Variants in SCRIB observed in about 807,000 individuals in gnomAD.
SCRIB encodes protein scribble homolog.
A neutral mutation model predicts 170.0 loss-of-function variants in SCRIB; 72 were observed. The observed-to-expected ratio is 0.42, with a 90% CI of 0.35 to 0.52. The LOEUF is 0.52. Among genes scored for constraint, SCRIB ranks in the 20% least tolerant of loss-of-function variants. The probability of loss-of-function intolerance (pLI) is 0.02; values close to 1 mark genes in which losing one functional copy is unlikely to be tolerated. For missense variants in SCRIB, 2,475 were observed against 2,338.5 expected (o/e 1.06, Z -1.20); for synonymous variants, 1,298 against 1,044.3 (o/e 1.24, Z -4.68).
rs1244284797 is a variant in SCRIB, at chr8:143,808,935, C to G, written c.1789G>C (p.Gly597Arg). The change falls in exon 15 of 37, where the codon GGC becomes CGC. Residue 597 changes from glycine (G) to arginine (R), a missense_variant. Gly to Arg is a moderately radical substitution (Grantham distance 125, BLOSUM62 -2). This residue lies in a region of SCRIB where 1,966 missense variants were observed against 1,742.9 expected (regional missense o/e 1.13). Transcript: ENST00000356994. Reference protein sequence around the residue: ...GQPEAPWTLPGGRQRLIRKDT... With the variant: ...GQPEAPWTLPRGRQRLIRKDT... ...TTGCGGATGAGCCGCTGCCTCCCGC[C>G]TGGCAGGGTCCAGGGGGCCTCAGGC... The G allele has an allele frequency of 6.2e-7, 1 of 1,612,462 alleles. No homozygotes were observed. The highest frequency in any genetic ancestry group is 1.1e-5 in the South Asian group (1 of 91,090).
chr8:143,792,925 G>A (rs782318272), intron 29 of SCRIB, 51 bp downstream of exon 29: 58 of 1,501,002 alleles, frequency 3.9e-5, no homozygotes, highest in Non-Finnish European at 4.5e-5. Flanking sequence ...TGGGGCCCCC[G>A]GGCACCCACC....
rs1815869157 is a variant in SCRIB, at chr8:143,813,682, G to A, written c.401C>T (p.Ala134Val). The change falls in exon 4 of 37, where the codon GCC becomes GTC. Residue 134 changes from alanine to valine, a missense_variant. Physicochemically the swap from Ala to Val is moderately conservative, Grantham distance 64. This residue lies in a region of SCRIB where 487 missense variants were observed against 558.1 expected (regional missense o/e 0.87). Coordinates refer to ENST00000356994, the MANE Select transcript of SCRIB (RefSeq NM_182706.5). ...TGCCTGCAGAGACACATCATTCAGG[G>A]CCAGGTGAGCCAGGCTGCGCAGCTG... ...FTQLRSLAHL[A>V]LNDVSLQALP... 5.0e-6 allele frequency: 8 copies of A among 1,613,446 alleles called. No homozygotes were observed. Among genetic ancestry groups the A allele is most frequent in the Non-Finnish European group, 6.8e-6 (8 of 1,180,032 alleles).
chr8:143,815,398 G>C lies in SCRIB; in HGVS notation c.-26C>G. 7.8e-7 allele frequency: 1 copy of C among 1,278,280 alleles called. No individual in the cohort carries two copies. The highest frequency in any genetic ancestry group is 9.9e-7 in the Non-Finnish European group (1 of 1,007,236). The allele number at this position is 1,278,280 out of a possible 1,614,324, so 79.2% of individuals were successfully genotyped here. ...GGTGCGGGTGGGCGGCGCGGGCTCC[G>C]GCGGCGGCGCTCGGCGGGCTCGGGG... On this transcript the variant is annotated 5_prime_UTR_variant, in exon 1 of 37. Transcript: ENST00000356994.
intron 14 of SCRIB, among the ~76,000 whole-genome samples, chr8:143,809,290 G>T (rs956218331): frequency 2.8e-4 from 42 of 152,218 alleles, no homozygotes; most frequent in South Asian, 6.2e-4. Context: ...GGGGTCAGAA[G>T]AGAGTCCAGG....
chr8:143,803,673 T>C lies in SCRIB; in HGVS notation c.3388A>G (p.Thr1130Ala). The change falls in exon 23 of 37, where the codon ACA becomes GCA. Residue 1130 changes from threonine to alanine, a missense_variant. Thr to Ala is a moderately conservative substitution (Grantham distance 58). Coordinates refer to ENST00000356994, the MANE Select transcript of SCRIB (RefSeq NM_182706.5). Reference sequence around the variant, plus strand: ...TTGGAGATGAAGATGCCCTCGTCTGTGGGGTCGCGGGGGTTGCCAGCGTGG... The same window carrying C: ...TTGGAGATGAAGATGCCCTCGTCTGCGGGGTCGCGGGGGTTGCCAGCGTGG... Reference protein sequence around the residue: ...RGHAGNPRDPTDEGIFISKVS... With the variant: ...RGHAGNPRDPADEGIFISKVS... The C allele has an allele frequency of 6.4e-7, 1 of 1,570,358 alleles. No homozygotes were observed. Among genetic ancestry groups the C allele is most frequent in the South Asian group, 1.1e-5 (1 of 87,032 alleles).
In SCRIB at chr8:143,804,802, C is replaced by G. The variant is rs200803941; in HGVS notation, c.2775G>C (p.Glu925Asp). ...GGGAGACGGCGTGGTCATGCCTGGCCTCAGTCACGTCCACTCCATTAATCT... is the reference window on the plus strand; with the variant it reads ...GGGAGACGGCGTGGTCATGCCTGGCGTCAGTCACGTCCACTCCATTAATCT... ...VLSINGVDVT[E>D]ARHDHAVSLL... Residue 925 changes from glutamate to aspartate, a missense_variant, in exon 21 of 37, where the codon GAG (glutamate) becomes GAC (aspartate). Glu to Asp is a conservative substitution (Grantham distance 45). Transcript: ENST00000356994. 1.6e-5 allele frequency: 26 copies of G among 1,595,484 alleles called. No individual in the cohort carries two copies. The highest frequency in any genetic ancestry group is 3.5e-5 in the Admixed American group (2 of 57,950).
rs1554637305 is a variant in SCRIB at position 143,808,844 on chromosome 8, G to C, written c.1880C>G (p.Ala627Gly). Residue 627 changes from alanine to glycine, a missense_variant, in exon 15 of 37, where the codon GCT becomes GGT. Ala to Gly is a moderately conservative substitution (Grantham distance 60). This residue lies in a region of SCRIB where 1,966 missense variants were observed against 1,742.9 expected (regional missense o/e 1.13). Coordinates refer to ENST00000356994, the MANE Select transcript of SCRIB (RefSeq NM_182706.5). Reference sequence around the variant, plus strand: ...ATCAGGCTGCATGCCCTGCAGCAGAGCCACAACGGCCTCGGGCTGGGGCAG... The same window carrying C: ...ATCAGGCTGCATGCCCTGCAGCAGACCCACAACGGCCTCGGGCTGGGGCAG... The part of the protein sequence containing the change: ...SKLPQPEAVV[A>G]LLQGMQPDGE... The C allele has an allele frequency of 2.5e-6, 4 of 1,611,122 alleles. No individual in the cohort carries two copies. The South Asian group carries it at 3.3e-5, about 13-fold the overall frequency.
intron 27 of SCRIB, 127 bp from the exon 28 acceptor site, chr8:143,794,089 C>G (rs1814831867): frequency 1.2e-6 from 1 of 815,832 alleles, no homozygotes. Context: ...CTGACTATAG[C>G]CCAGGGGATG....
chr8:143,813,847 G>A lies in SCRIB; in HGVS notation c.327C>T (p.Ile109=), dbSNP rs140033768. ...ESIKFCKALE[I]ADFSGNPLSR... Reference sequence around the variant, plus strand: ...AGAGGGGGTTCCCGCTGAAGTCCGCGATCTCCAGAGCCTTGCAGAACTTGA... The same window carrying A: ...AGAGGGGGTTCCCGCTGAAGTCCGCAATCTCCAGAGCCTTGCAGAACTTGA... Residue 109 remains isoleucine (I), a synonymous_variant, in exon 3 of 37, where the codon ATC becomes ATT. Coordinates refer to ENST00000356994, the MANE Select transcript of SCRIB (RefSeq NM_182706.5). 5.2e-5 allele frequency: 83 copies of A among 1,609,942 alleles called. No individual in the cohort carries two copies. In the African/African-American group the frequency reaches 7.6e-4, roughly 15 times the overall value.
At position 143,812,334 on chromosome 8, in the gene SCRIB, C is replaced by T. The variant is rs1322318748; in HGVS notation, c.838G>A (p.Glu280Lys). 6.8e-6 allele frequency: 11 copies of T among 1,613,744 alleles called. No homozygotes were observed. Among genetic ancestry groups the T allele is most frequent in the Admixed American group, 1.7e-5 (1 of 60,010 alleles). ...CAGTCCCCGATGGCCTCGGTCACCT[C>T]GCACAGCCGATTCTGGTCTACCTTT... ...ILKVDQNRLC[E>K]VTEAIGDCEN... The change falls in exon 9 of 37, where the codon GAG (glutamate) becomes AAG (lysine). Residue 280 changes from glutamate (E) to lysine (K), a missense_variant. Physicochemically the swap from Glu to Lys is moderately conservative, Grantham distance 56. Transcript: ENST00000356994.
At chr8:143,811,394 G>A (rs771304840) in intron 9 of SCRIB, 49 bp from the exon 10 acceptor site, 1 of 1,541,032 alleles carries the variant, frequency 6.5e-7, no homozygotes, top group Non-Finnish European at 8.9e-7. Context: ...GCTGGGGGTG[G>A]GAAGGAGATG....
chr8:143,809,538 T>C lies in SCRIB; in HGVS notation c.1698+13A>G, dbSNP rs747732013. On this transcript the variant is annotated intron_variant, in intron 14 of 36. Coordinates refer to ENST00000356994, the MANE Select transcript of SCRIB (RefSeq NM_182706.5). ...CAGGCCCAGCCTCCTGCCTCCTTCC[T>C]GCCAATCCACACCTCCTGGTAGTCC... The C allele has an allele frequency of 6.2e-7, 1 of 1,602,244 alleles. No homozygotes were observed. The highest frequency in any genetic ancestry group is 2.2e-5 in the East Asian group (1 of 44,606).
At chr8:143,814,557 G>A (rs902733306) in intron 1 of SCRIB, among the ~76,000 whole-genome samples, 8 of 152,216 alleles carry the variant, frequency 5.3e-5, no homozygotes, top group Non-Finnish European at 1.2e-4. Flanking sequence ...CACAGGCACA[G>A]TGCTACGCGC....
In SCRIB at chr8:143,795,438, G is replaced by A; in HGVS notation, c.3696C>T (p.Ser1232=). 1 of 1,613,150 alleles carries A rather than the reference G, an allele frequency of 6.2e-7. No homozygotes were observed. The highest frequency in any genetic ancestry group is 8.5e-7 in the Non-Finnish European group (1 of 1,179,790). Residue 1232 remains serine (S), a synonymous_variant, in exon 25 of 37, where the codon AGC becomes AGT. Transcript: ENST00000356994. The part of the protein sequence containing the change: ...ESISSIDREL[S]PEGPGKEKEL... ...CTCTGACCTTGCCTGGGCCCTCAGG[G>A]CTCAGCTCCCGGTCGATGGAAGAGA...
At chr8:143,807,456 C>T (rs142136160) in intron 16 of SCRIB, 96 bp downstream of exon 16, 60 of 994,090 alleles carry the variant, frequency 6.0e-5, no homozygotes, top group East Asian at 4.8e-4. Flanking sequence ...GAGGGATCTG[C>T]GCTCAAGCAA....
At chr8:143,805,498 G>T in intron 18 of SCRIB, 63 bp from the exon 19 acceptor site, 1 of 1,400,820 alleles carries the variant, frequency 7.1e-7, no homozygotes, top group South Asian at 1.5e-5. Context: ...CCACGTGCTG[G>T]GGGCTCCACA....
intron 6 of SCRIB, 48 bp downstream of exon 6, chr8:143,813,263 C>T (rs755575475): frequency 6.2e-7 from 1 of 1,610,684 alleles, no homozygotes; most frequent in East Asian, 2.2e-5. Context: ...TTTGCCCTTG[C>T]TTCCGTGGCC....
chr8:143,791,673 T>C lies in SCRIB; in HGVS notation c.4763A>G (p.Asp1588Gly). 6.2e-7 allele frequency: 1 copy of C among 1,605,384 alleles called. No individual in the cohort carries two copies. Among genetic ancestry groups the C allele is most frequent in the Non-Finnish European group, 8.5e-7 (1 of 1,173,922 alleles). ...GGCCTGGAGGCCAGGTACCTGGATG[T>C]CATAGACAGGTCTGGAAGAAGGCAG... ...AALPSSRPVY[D>G]IQSPDFAEEL... Residue 1588 changes from aspartate to glycine, a missense_variant, in exon 35 of 37, where the codon GAC becomes GGC. Around this residue, in one of 3 missense-constraint regions of SCRIB, gnomAD observed 1,966 missense variants for 1,742.9 expected, o/e 1.13. Transcript: ENST00000356994.
chr8:143,804,636 C>T lies in SCRIB; in HGVS notation c.2941G>A (p.Val981Met), dbSNP rs1554635893. The part of the protein sequence containing the change: ...TTSITTATPG[V>M]PGLPSLAPSL... The stretch of plus-strand genomic sequence containing the variant: ...GGGGCCAGGCTCGGCAACCCAGGCA[C>T]CCCGGGGGTGGCAGTGGTTATGCTG... The change falls in exon 21 of 37, where the codon GTG becomes ATG. Residue 981 changes from valine to methionine, a missense_variant. Physicochemically the swap from Val to Met is conservative, Grantham distance 21 (BLOSUM62 1). Around this residue, in one of 3 missense-constraint regions of SCRIB, gnomAD observed 1,966 missense variants for 1,742.9 expected, o/e 1.13. Coordinates refer to ENST00000356994, the MANE Select transcript of SCRIB (RefSeq NM_182706.5). 1 of 1,536,808 alleles carries T rather than the reference C, an allele frequency of 6.5e-7. No homozygotes were observed. Among genetic ancestry groups the T allele is most frequent in the Non-Finnish European group, 8.8e-7 (1 of 1,141,318 alleles).
Sources: allele counts gnomAD v4.1 joint callset (sites outside exome capture counted in the v4.1 genomes callset), GRCh38; gene constraint gnomAD v4.1.1; regional missense constraint gnomAD v4.1.1; transcripts MANE v1.5; gene names NCBI Gene and HGNC (gene_info 2026-07-23, HGNC 2026-07-21).